Variants in GHR observed in about 807,000 individuals in gnomAD.
GHR encodes GH receptor.
A neutral mutation model predicts 67.1 loss-of-function variants in GHR; 35 were observed. The observed-to-expected ratio is 0.52, with a 90% CI of 0.40 to 0.69. The LOEUF is 0.69. GHR is among the 30% of genes least tolerant of loss of function. GHR has a pLI of 0.00. For missense variants in GHR, 792 were observed against 764.6 expected, an observed-to-expected ratio of 1.04 and a Z score of -0.42; for synonymous variants, 272 against 269.1, an observed-to-expected ratio of 1.01 and a Z score of -0.10.
At chr5:42,561,493 A>C (rs1175990108) in intron 1 of GHR, among the ~76,000 whole-genome samples, 1 of 152,172 alleles carries the variant, frequency 6.6e-6, no homozygotes, top group Admixed American at 6.5e-5. Flanking sequence ...TCTAACCTTC[A>C]TCTTTTCTCA....
At chr5:42,524,798 C>T (rs1445572531) in intron 1 of GHR, among the ~76,000 whole-genome samples, 1 of 152,196 alleles carries the variant, frequency 6.6e-6, no homozygotes, top group Non-Finnish European at 1.5e-5. Context: ...CCACCTGCTC[C>T]AGCTGTGGCT....
intron 1 of GHR, chr5:42,468,919 C>G (rs868739594): frequency 1.8e-6 from 1 of 552,170 alleles, no homozygotes; most frequent in Non-Finnish European, 3.1e-6. Flanking sequence ...CTGCGCCGAG[C>G]CAAGAGCGCG....
At chr5:42,684,991 C>A (rs990903977) in intron 3 of GHR, among the ~76,000 whole-genome samples, 2 of 151,942 alleles carry the variant, frequency 1.3e-5, no homozygotes, top group South Asian at 2.1e-4. Flanking sequence ...ATGTGCAGAA[C>A]GTGCAGGTTT....
intron 3 of GHR, among the ~76,000 whole-genome samples, chr5:42,666,641 C>G (rs1289536536): frequency 6.6e-6 from 1 of 152,146 alleles, no homozygotes; most frequent in Non-Finnish European, 1.5e-5. Flanking sequence ...CTACGAAAGA[C>G]CCATGGCTAC....
chr5:42,528,194 A>G (rs1295973331), intron 1 of GHR, among the ~76,000 whole-genome samples: 2 of 152,164 alleles, frequency 1.3e-5, no homozygotes, highest in East Asian at 3.8e-4. Context: ...TTGTAAGGCT[A>G]TAGTTGCCAT....
intron 1 of GHR, among the ~76,000 whole-genome samples, chr5:42,551,018 G>A (rs1749001669): frequency 6.6e-6 from 1 of 152,136 alleles, no homozygotes; most frequent in Non-Finnish European, 1.5e-5. Flanking sequence ...TGTTCCTGAG[G>A]TGGAAAGAGA....
chr5:42,443,271 T>C (rs753753385), intron 1 of GHR, among the ~76,000 whole-genome samples: 1 of 152,218 alleles, frequency 6.6e-6, no homozygotes, highest in African/African-American at 2.4e-5. Flanking sequence ...ATGTATTACT[T>C]GGAACTCAGT....
In GHR at chr5:42,717,678, TAC is replaced by T. The variant is rs1486460792; in HGVS notation, c.876-371_876-370del. On this transcript the variant is annotated intron_variant, in intron 8 of 9. Transcript: ENST00000230882. ...TCCTGTACAAATTACTGATGAGATG[TAC>T]ACTAGAATTGCCTTATAGCTGAAAT... is the stretch of plus-strand genomic sequence containing the variant. 2.0e-5 allele frequency among the ~76,000 whole-genome samples: 3 copies of T among 152,186 alleles called. No homozygotes were observed. In the East Asian group the frequency reaches 5.8e-4, roughly 29 times the overall value.
At chr5:42,702,974 T>C (rs1361434433) in intron 6 of GHR, among the ~76,000 whole-genome samples, 3 of 151,994 alleles carry the variant, frequency 2.0e-5, no homozygotes, top group Non-Finnish European at 2.9e-5. Flanking sequence ...TCTTATCAGA[T>C]GTATGCAAAT....
chr5:42,449,558 G>T (rs1743959422), intron 1 of GHR, among the ~76,000 whole-genome samples: 1 of 151,984 alleles, frequency 6.6e-6, no homozygotes, highest in Non-Finnish European at 1.5e-5. Context: ...GGATTTTCTA[G>T]GTATACAATC....
chr5:42,627,943 T>C (rs1384551506), intron 2 of GHR, among the ~76,000 whole-genome samples: 1 of 152,140 alleles, frequency 6.6e-6, no homozygotes, highest in Non-Finnish European at 1.5e-5. Flanking sequence ...AAGGTTTTAT[T>C]GAGTAGTGGA....
At chr5:42,528,986 C>G (rs963653013) in intron 1 of GHR, among the ~76,000 whole-genome samples, 1 of 151,346 alleles carries the variant, frequency 6.6e-6, no homozygotes, top group Non-Finnish European at 1.5e-5. Flanking sequence ...TGCACACTTA[C>G]TAGACTACAA....
At chr5:42,595,858 G>A (rs1561153886) in intron 2 of GHR, among the ~76,000 whole-genome samples, 1 of 152,234 alleles carries the variant, frequency 6.6e-6, no homozygotes, top group Non-Finnish European at 1.5e-5. Context: ...AGCACAGTAA[G>A]GAGATCTGGC....
At chr5:42,702,733 C>G (rs561688065) in intron 6 of GHR, among the ~76,000 whole-genome samples, 1 of 152,018 alleles carries the variant, frequency 6.6e-6, no homozygotes, top group African/African-American at 2.4e-5. Context: ...TTGAAAATAG[C>G]CATCCTAACA....
intron 1 of GHR, among the ~76,000 whole-genome samples, chr5:42,481,082 G>T (rs1398282109): frequency 6.6e-6 from 1 of 152,076 alleles, no homozygotes; most frequent in Middle Eastern, 3.4e-3. Context: ...GGGCAGGCCT[G>T]GTGGTGACAA....
chr5:42,525,351 G>T (rs1242654776), intron 1 of GHR, among the ~76,000 whole-genome samples: 2 of 152,210 alleles, frequency 1.3e-5, no homozygotes, highest in Non-Finnish European at 2.9e-5. Flanking sequence ...CTGCCCTGCG[G>T]CATTTCAGAC....
chr5:42,628,036 G>A (rs915800979), intron 2 of GHR, among the ~76,000 whole-genome samples: 5 of 152,162 alleles, frequency 3.3e-5, no homozygotes, highest in Non-Finnish European at 7.4e-5. Flanking sequence ...GGGCAGCCCA[G>A]TGGCTGGACT....
intron 3 of GHR, among the ~76,000 whole-genome samples, chr5:42,663,148 C>T (rs371171462): frequency 6.6e-6 from 1 of 152,134 alleles, no homozygotes; most frequent in Non-Finnish European, 1.5e-5. Context: ...GATTCACAGC[C>T]GAATTCTACC....
At chr5:42,646,891 A>C (rs1754759471) in intron 3 of GHR, among the ~76,000 whole-genome samples, 1 of 152,078 alleles carries the variant, frequency 6.6e-6, no homozygotes, top group Admixed American at 6.6e-5. Context: ...ATACTTTCTC[A>C]TATTGGGGCT....
Sources: allele counts gnomAD v4.1 joint callset (sites outside exome capture counted in the v4.1 genomes callset), GRCh38; gene constraint gnomAD v4.1.1; transcripts MANE v1.5; gene names NCBI Gene and HGNC (gene_info 2026-07-23, HGNC 2026-07-21).